The following TMEM132D variants were observed in gnomAD, a reference collection of about 807,000 sequenced individuals.
TMEM132D encodes mature OL transmembrane protein.
Under a neutral mutation model 62.3 loss-of-function variants are expected in TMEM132D, and 21 were observed. That is an observed-to-expected ratio of 0.34 (90% confidence interval 0.24 to 0.49). TMEM132D has a LOEUF of 0.49. Ranked by LOEUF, TMEM132D falls within the 20% of genes least tolerant of loss-of-function variation. The pLI is 0.99. For synonymous variants in TMEM132D, 621 were observed against 575.6 expected (o/e 1.08, Z -1.13); for missense variants, 1,346 against 1,402.8 (o/e 0.96, Z 0.65).
chr12:129,368,767 C>CG (rs1870504422), intron 3 of TMEM132D, among the ~76,000 whole-genome samples: 1 of 133,202 alleles, frequency 7.5e-6, no homozygotes, highest in South Asian at 2.3e-4. Flanking sequence ...ACCTTTCCAC[C>CG]AAAAAAAAAA....
chr12:129,252,890 A>G (rs1322050163), intron 4 of TMEM132D, among the ~76,000 whole-genome samples: 1 of 152,052 alleles, frequency 6.6e-6, no homozygotes, highest in African/African-American at 2.4e-5. Context: ...TGTCCTTTGT[A>G]GGGACATGGA....
At chr12:129,581,036 G>A (rs954946763) in intron 2 of TMEM132D, among the ~76,000 whole-genome samples, 1 of 152,218 alleles carries the variant, frequency 6.6e-6, no homozygotes, top group Non-Finnish European at 1.5e-5. Context: ...GATCTGCAAT[G>A]TTGGAGGTCA....
intron 4 of TMEM132D, among the ~76,000 whole-genome samples, chr12:129,209,874 A>T (rs1308707326): frequency 6.6e-6 from 1 of 152,212 alleles, no homozygotes; most frequent in African/African-American, 2.4e-5. Context: ...GGCAACTATG[A>T]TGGGGAAGGG....
intron 1 of TMEM132D, among the ~76,000 whole-genome samples, chr12:129,837,946 G>A (rs1873058009): frequency 6.6e-6 from 1 of 152,180 alleles, no homozygotes; most frequent in African/African-American, 2.4e-5. Flanking sequence ...CACACAAAAT[G>A]TAATCCAAAA....
chr12:129,502,294 C>T (rs538766323), intron 3 of TMEM132D, among the ~76,000 whole-genome samples: 24 of 152,256 alleles, frequency 1.6e-4, no homozygotes, highest in African/African-American at 5.3e-4. Flanking sequence ...CCACGGCGCC[C>T]GGCCTTCTGT....
At chr12:129,517,201 G>C (rs1055677752) in intron 3 of TMEM132D, among the ~76,000 whole-genome samples, 3 of 152,180 alleles carry the variant, frequency 2.0e-5, no homozygotes, top group Non-Finnish European at 4.4e-5. Flanking sequence ...AGAAAGTAAT[G>C]TAAGTTACCT....
chr12:129,585,352 C>T (rs934067510), intron 2 of TMEM132D, among the ~76,000 whole-genome samples: 3 of 152,230 alleles, frequency 2.0e-5, no homozygotes, highest in South Asian at 2.1e-4. Context: ...GGTGGCCACA[C>T]ACTCAAAACC....
intron 3 of TMEM132D, among the ~76,000 whole-genome samples, chr12:129,482,653 A>T (rs1190676059): frequency 6.6e-6 from 1 of 152,222 alleles, no homozygotes; most frequent in East Asian, 1.9e-4. Context: ...TGGTACAGCA[A>T]AATAGCTTTT....
chr12:129,783,447 G>A (rs756151853), intron 1 of TMEM132D, among the ~76,000 whole-genome samples: 3 of 152,130 alleles, frequency 2.0e-5, no homozygotes, highest in Non-Finnish European at 4.4e-5. Context: ...TCCTCCTACA[G>A]TATTCTTAGA....
chr12:129,667,857 G>A (rs1478010132), intron 2 of TMEM132D, among the ~76,000 whole-genome samples: 4 of 151,874 alleles, frequency 2.6e-5, no homozygotes, highest in African/African-American at 7.3e-5. Flanking sequence ...ATTCTAATAC[G>A]ACTTAGTCTA....
intron 4 of TMEM132D, among the ~76,000 whole-genome samples, chr12:129,225,690 G>T (rs1282565399): frequency 6.6e-6 from 1 of 152,172 alleles, no homozygotes; most frequent in Non-Finnish European, 1.5e-5. Flanking sequence ...CTGCTTATTA[G>T]TAGTATCCTA....
intron 2 of TMEM132D, among the ~76,000 whole-genome samples, chr12:129,662,665 C>T (rs61474795): frequency 3.4e-3 from 518 of 152,002 alleles, no homozygotes; most frequent in African/African-American, 0.011. Context: ...TGGTGGCACA[C>T]GCCTGTAGTC....
chr12:129,322,657 C>T (rs1463457858), intron 4 of TMEM132D, among the ~76,000 whole-genome samples: 1 of 152,076 alleles, frequency 6.6e-6, no homozygotes, highest in Non-Finnish European at 1.5e-5. Flanking sequence ...TCCATCATTA[C>T]ACCAAGGTTG....
chr12:129,293,398 A>T (rs1243498072), intron 4 of TMEM132D, among the ~76,000 whole-genome samples: 2 of 152,196 alleles, frequency 1.3e-5, no homozygotes, highest in African/African-American at 2.4e-5. Context: ...ATTCTGGGGC[A>T]GCAGTCCCCA....
chr12:129,750,954 C>T (rs963381844), intron 1 of TMEM132D, among the ~76,000 whole-genome samples: 5 of 152,098 alleles, frequency 3.3e-5, no homozygotes, highest in African/African-American at 9.7e-5. Context: ...TACTATGTGT[C>T]AATCATACTT....
intron 4 of TMEM132D, among the ~76,000 whole-genome samples, chr12:129,285,793 G>A (rs960971486): frequency 3.9e-5 from 6 of 151,958 alleles, no homozygotes; most frequent in South Asian, 2.1e-4. Context: ...TGTAAAACAT[G>A]TAATTTCAAC....
At chr12:129,487,725 G>A (rs186988374) in intron 3 of TMEM132D, among the ~76,000 whole-genome samples, 141 of 151,878 alleles carry the variant, frequency 9.3e-4, no homozygotes, top group African/African-American at 2.9e-3. Flanking sequence ...GAGGTCAGGA[G>A]ATCTCCTGAG....
chr12:129,657,737 A>G (rs1880127682), intron 2 of TMEM132D, among the ~76,000 whole-genome samples: 1 of 152,246 alleles, frequency 6.6e-6, no homozygotes. Flanking sequence ...GCTGTGGCCA[A>G]GGGAGAGAAA....
chr12:129,735,867 C>A (rs1391904960), intron 1 of TMEM132D, among the ~76,000 whole-genome samples: 1 of 152,152 alleles, frequency 6.6e-6, no homozygotes, highest in Non-Finnish European at 1.5e-5. Context: ...TCCTTATAGA[C>A]CTATAAAGAT....
Sources: gnomAD v4.1 joint callset for allele counts (sites outside exome capture counted in the v4.1 genomes callset) on GRCh38, gnomAD v4.1.1 for gene constraint, MANE v1.5 for transcripts, NCBI Gene and HGNC (gene_info 2026-07-23, HGNC 2026-07-21) for gene names.